ELAC2: variants seen among roughly 807,000 people sequenced by gnomAD.
ELAC2 encodes the protein elaC ribonuclease Z 2.
A neutral mutation model predicts 105.2 loss-of-function variants in ELAC2; 92 were observed. The ratio of observed to expected loss-of-function variants is 0.87; its 90% confidence interval spans 0.74 to 1.04. The LOEUF (loss-of-function observed/expected upper bound fraction) is 1.04, where lower values mean the gene tolerates loss of function less well. ELAC2 is among the 50% of genes least tolerant of loss of function. ELAC2 has a pLI of 0.00. For missense variants in ELAC2, 1,099 were observed against 1,071.7 expected (o/e 1.03, Z -0.36); for synonymous variants, 468 against 409.1 (o/e 1.14, Z -1.74).
chr17:12,995,675 A>G, intron 19 of ELAC2, 28 bp downstream of exon 19: 1 of 1,589,130 alleles, frequency 6.3e-7, no homozygotes, highest in Middle Eastern at 1.9e-4. Context: ...GCAACAGCCC[A>G]GCGGGCCAGG....
chr17:13,014,231 T>C (rs2143676498), intron 5 of ELAC2, among the ~76,000 whole-genome samples: 1 of 143,388 alleles, frequency 7.0e-6, no homozygotes, highest in South Asian at 2.2e-4. Context: ...AGGTGGAGGT[T>C]GCAGTGAGCC....
At chr17:13,007,252 G>A (rs909870049) in intron 8 of ELAC2, among the ~76,000 whole-genome samples, 2 of 151,926 alleles carry the variant, frequency 1.3e-5, no homozygotes, top group Non-Finnish European at 2.9e-5. Flanking sequence ...GAAATGACAT[G>A]TAGGCCTTTG....
At chr17:13,016,592 C>A (rs533085664) in intron 3 of ELAC2, among the ~76,000 whole-genome samples, 1 of 151,798 alleles carries the variant, frequency 6.6e-6, no homozygotes, top group Non-Finnish European at 1.5e-5. Context: ...GCCTGGGCAA[C>A]ATAGCAAAAC....
chr17:12,992,079 C>G lies in ELAC2; in HGVS notation c.*739G>C, dbSNP rs1032109555. ...TTACCCAGAACCACCAGAAGACTTG[C>G]ATTTCCCTGACCAATGACACCAGCC... On this transcript the variant is annotated 3_prime_UTR_variant, in exon 24 of 24. Transcript: ENST00000338034. 6.6e-6 allele frequency among the ~76,000 whole-genome samples: 1 copy of G among 152,186 alleles called. No homozygotes were observed. The highest frequency in any genetic ancestry group is 2.4e-5 in the African/African-American group (1 of 41,450).
At position 12,994,399 on chromosome 17, in the gene ELAC2, G is replaced by A. The variant is rs753669740; in HGVS notation, c.2108+26C>T. On this transcript the variant is annotated intron_variant, in intron 22 of 23. Transcript: ENST00000338034. ...AGTGGGGGAGGGAGAGGATGTGGGC[G>A]ACAAGGACTGACCGGCCTTTGCTAC... 18 of 1,613,584 alleles carry A rather than the reference G, an allele frequency of 1.1e-5. No homozygotes were observed. The East Asian group carries it at 2.7e-4, about 24-fold the overall frequency.
chr17:13,002,786 G>A (rs1205574897), intron 12 of ELAC2: 4 of 739,532 alleles, frequency 5.4e-6, no homozygotes, highest in South Asian at 3.4e-5. Flanking sequence ...CCTTTCAGGT[G>A]TGCTGGGAAG....
Position 12,992,771 on chromosome 17 carries a change from T to A in ELAC2, c.*47A>T. On this transcript the variant is annotated 3_prime_UTR_variant, in exon 24 of 24. Coordinates refer to ENST00000338034, the MANE Select transcript of ELAC2 (RefSeq NM_018127.7). ...AGGAGGGCAGATACGGGTGCGTGCG[T>A]GGGGCAGAAGACACACAGCCTTCTG... 1 of 1,606,388 alleles carries A rather than the reference T, an allele frequency of 6.2e-7. No individual in the cohort carries two copies. Among genetic ancestry groups the A allele is most frequent in the Non-Finnish European group, 8.5e-7 (1 of 1,173,670 alleles).
intron 1 of ELAC2, 59 bp from the exon 2 acceptor site, chr17:13,017,180 A>C (rs1448767668): frequency 2.1e-6 from 3 of 1,422,444 alleles, no homozygotes; most frequent in Non-Finnish European, 3.0e-6. Context: ...ACTCTCTGAC[A>C]CCAATTAGAT....
At chr17:12,993,863 GAACTC>G (rs771721417) in intron 22 of ELAC2, 32 bp from the exon 23 acceptor site, 2 of 1,613,914 alleles carry the variant, frequency 1.2e-6, no homozygotes, top group East Asian at 2.2e-5. Flanking sequence ...GACTGAAGCT[GAACTC>G]AACTGCAAGA....
intron 11 of ELAC2, among the ~76,000 whole-genome samples, chr17:13,004,593 G>A (rs920730258): frequency 2.6e-5 from 4 of 152,140 alleles, no homozygotes; most frequent in African/African-American, 9.7e-5. Context: ...TCTTGACCAC[G>A]ACAGTCTCAC....
In ELAC2 at chr17:12,992,130, G is replaced by GAT. The variant is rs1476426329; in HGVS notation, c.*686_*687dup. On this transcript the variant is annotated 3_prime_UTR_variant, in exon 24 of 24. Coordinates refer to ENST00000338034, the MANE Select transcript of ELAC2 (RefSeq NM_018127.7). Reference sequence around the variant, plus strand: ...CAGCCAGGCTCTCACTGATTGATTTGATTGATTGATTGATTGATTGATAGA... The same window carrying GAT: ...CAGCCAGGCTCTCACTGATTGATTTGATATTGATTGATTGATTGATTGATAGA... Among the ~76,000 whole-genome samples, 1 of 91,616 alleles carries GAT rather than the reference G, an allele frequency of 1.1e-5. No individual in the cohort carries two copies. The highest frequency in any genetic ancestry group is 3.2e-5 in the African/African-American group (1 of 31,432). 60.1% of individuals were successfully genotyped at this position (91,616 alleles called of 152,430 possible).
Position 13,017,060 on chromosome 17 carries a change from G to A in ELAC2, c.296+11C>T, listed in dbSNP as rs771953140. ...ATCAACTCCCCCTCCGAAAGCAAGA[G>A]ACTGACTCACTTGTGCTCCTGCATG... On this transcript the variant is annotated intron_variant, in intron 2 of 23. Transcript: ENST00000338034. 4 of 1,613,912 alleles carry A rather than the reference G, an allele frequency of 2.5e-6. No homozygotes were observed. The East Asian group carries it at 8.9e-5, about 36-fold the overall frequency.
In ELAC2 at chr17:13,017,765, C is replaced by G. The variant is rs1003115109; in HGVS notation, c.183G>C (p.Gln61His). Reference sequence around the variant, plus strand: ...AGTCCCGGCTACCCGCTGCCACCACCTGCAGGTACACGGTGTTTGGGCCGC... The same window carrying G: ...AGTCCCGGCTACCCGCTGCCACCACGTGCAGGTACACGGTGTTTGGGCCGC... ...CSGGPNTVYL[Q>H]VVAAGSRDSG... The change falls in exon 1 of 24, where the codon CAG becomes CAC. Residue 61 changes from glutamine to histidine, a missense_variant. Gln to His is a conservative substitution (Grantham distance 24). Coordinates refer to ENST00000338034, the MANE Select transcript of ELAC2 (RefSeq NM_018127.7). 16 of 1,611,762 alleles carry G rather than the reference C, an allele frequency of 9.9e-6. No homozygotes were observed. Among genetic ancestry groups the G allele is most frequent in the Non-Finnish European group, 1.2e-5 (14 of 1,179,414 alleles).
At position 13,015,807 on chromosome 17, in the gene ELAC2, G is replaced by A. The variant is rs747138055; in HGVS notation, c.393C>T (p.Thr131=). ...LSGMILTLKE[T]GLPKCVLSGP... ...CAGAAAGTACACACTTTGGAAGCCCGGTTTCCTTTAAAGTAAGAATCATTC... is the reference window on the plus strand; with the variant it reads ...CAGAAAGTACACACTTTGGAAGCCCAGTTTCCTTTAAAGTAAGAATCATTC... The change falls in exon 4 of 24, where the codon ACC becomes ACT. Residue 131 remains threonine, a synonymous_variant. Coordinates refer to ENST00000338034, the MANE Select transcript of ELAC2 (RefSeq NM_018127.7). The A allele has an allele frequency of 1.7e-5, 27 of 1,613,864 alleles. No individual in the cohort carries two copies. The Middle Eastern group carries it at 1.3e-3, about 79-fold the overall frequency.
At chr17:13,017,215 A>G (rs2041786203) in intron 1 of ELAC2, 94 bp from the exon 2 acceptor site, 1 of 1,270,236 alleles carries the variant, frequency 7.9e-7, no homozygotes, top group Non-Finnish European at 1.1e-6. Context: ...TCTGGAAAAA[A>G]AAAAAAGAAA....
In ELAC2 at chr17:12,992,164, G is replaced by A. The variant is rs1049359497; in HGVS notation, c.*654C>T. On this transcript the variant is annotated 3_prime_UTR_variant, in exon 24 of 24. Coordinates refer to ENST00000338034, the MANE Select transcript of ELAC2 (RefSeq NM_018127.7). ...ATTGATTGATTGATAGAGAAAGCAC[G>A]CCCTGCTGTGAGCTGGCACAGCTCG... 2.6e-5 allele frequency among the ~76,000 whole-genome samples: 4 copies of A among 152,160 alleles called. No individual in the cohort carries two copies. Among genetic ancestry groups the A allele is most frequent in the Non-Finnish European group, 5.9e-5 (4 of 68,030 alleles).
Position 12,995,930 on chromosome 17 carries a change from CCA to C in ELAC2, c.1698+8_1698+9del. Reference sequence around the variant, plus strand: ...TGAAACTCAGAACGCCCATCAAGTGCCACACTTACCAAGGCGCGTTCTCTCTG... The same window carrying C: ...TGAAACTCAGAACGCCCATCAAGTGCCACTTACCAAGGCGCGTTCTCTCTG... On this transcript the variant is annotated splice_region_variant and intron_variant, in intron 18 of 23. Coordinates refer to ENST00000338034, the MANE Select transcript of ELAC2 (RefSeq NM_018127.7). 6.3e-7 allele frequency: 1 copy of C among 1,593,022 alleles called. No individual in the cohort carries two copies. Among genetic ancestry groups the C allele is most frequent in the Non-Finnish European group, 8.6e-7 (1 of 1,168,202 alleles).
intron 8 of ELAC2, among the ~76,000 whole-genome samples, chr17:13,008,235 G>C (rs946220998): frequency 1.3e-5 from 2 of 151,966 alleles, no homozygotes. Context: ...ATAAAGGCTG[G>C]TCATGATGGC....
At chr17:13,008,918 C>A (rs1050902315) in intron 8 of ELAC2, among the ~76,000 whole-genome samples, 1 of 152,268 alleles carries the variant, frequency 6.6e-6, no homozygotes, top group Non-Finnish European at 1.5e-5. Flanking sequence ...CCCCCAGGAA[C>A]GGCTGCCTGA....
Sources: gnomAD v4.1 joint callset for allele counts (sites outside exome capture counted in the v4.1 genomes callset) on GRCh38, gnomAD v4.1.1 for gene constraint, MANE v1.5 for transcripts, NCBI Gene and HGNC (gene_info 2026-07-23, HGNC 2026-07-21) for gene names.